Variants in B3GALT1 observed in about 807,000 individuals in gnomAD.
The protein encoded by B3GALT1 is beta-1,3-galactosyltransferase 1.
A neutral mutation model predicts 23.2 loss-of-function variants in B3GALT1; 10 were observed. That is an observed-to-expected ratio of 0.43 (90% CI 0.27 to 0.73). The LOEUF (loss-of-function observed/expected upper bound fraction) is 0.73, where lower values mean the gene tolerates loss of function less well. B3GALT1 is among the 30% of genes least tolerant of loss of function. B3GALT1 has a pLI of 0.21. For missense variants in B3GALT1, 299 were observed against 405.4 expected, an observed-to-expected ratio of 0.74 and a Z score of 2.25; for synonymous variants, 156 against 141.5, an observed-to-expected ratio of 1.10 and a Z score of -0.73.
intron 1 of B3GALT1, among the ~76,000 whole-genome samples, chr2:167,411,182 A>G (rs2617380): frequency 0.94 from 142,668 of 151,828 alleles, 67,388 homozygotes; most frequent in Non-Finnish European, 0.99. Context: ...ACCAGAGCAA[A>G]AATAGACAAA....
chr2:167,605,141 ATACT>A (rs1476893032), intron 2 of B3GALT1, among the ~76,000 whole-genome samples: 59 of 152,322 alleles, frequency 3.9e-4, no homozygotes, highest in African/African-American at 1.4e-3. Context: ...AGTGTGGGAC[ATACT>A]GTCCCTAAAG....
At chr2:167,520,530 A>G (rs949191952) in intron 2 of B3GALT1, among the ~76,000 whole-genome samples, 1 of 152,248 alleles carries the variant, frequency 6.6e-6, no homozygotes, top group Non-Finnish European at 1.5e-5. Flanking sequence ...CACTCATAAT[A>G]TGCAGCTGTG....
At chr2:167,593,672 GCCATTT>G (rs1684722780) in intron 2 of B3GALT1, among the ~76,000 whole-genome samples, 1 of 152,192 alleles carries the variant, frequency 6.6e-6, no homozygotes, top group African/African-American at 2.4e-5. Context: ...ACTGAACACA[GCCATTT>G]GAAATGAAAA....
At chr2:167,378,246 CT>C (rs1305374867) in intron 1 of B3GALT1, among the ~76,000 whole-genome samples, 1 of 151,946 alleles carries the variant, frequency 6.6e-6, no homozygotes. Context: ...CTCTAGTTGC[CT>C]TTAATATTTT....
At chr2:167,793,990 A>G (rs1264237132) in intron 3 of B3GALT1, among the ~76,000 whole-genome samples, 2 of 152,134 alleles carry the variant, frequency 1.3e-5, no homozygotes, top group African/African-American at 2.4e-5. Context: ...TATGTTTCAA[A>G]TGAGATTTTC....
chr2:167,503,090 A>G (rs1486675377), intron 2 of B3GALT1, among the ~76,000 whole-genome samples: 3 of 152,140 alleles, frequency 2.0e-5, no homozygotes, highest in African/African-American at 7.2e-5. Flanking sequence ...ATGAGATTTG[A>G]GCAGAGACAC....
chr2:167,844,880 G>C (rs1301043853), intron 4 of B3GALT1, among the ~76,000 whole-genome samples: 1 of 152,136 alleles, frequency 6.6e-6, no homozygotes, highest in Non-Finnish European at 1.5e-5. Context: ...CCTCTGCCTG[G>C]AAACAGACTG....
intron 1 of B3GALT1, among the ~76,000 whole-genome samples, chr2:167,486,643 G>A (rs1174701443): frequency 6.6e-6 from 1 of 150,570 alleles, no homozygotes; most frequent in Non-Finnish European, 1.5e-5. Context: ...ACTTGAAGCC[G>A]GGAGGCGAAG....
intron 1 of B3GALT1, among the ~76,000 whole-genome samples, chr2:167,425,092 G>A (rs1698603850): frequency 6.6e-6 from 1 of 152,202 alleles, no homozygotes; most frequent in African/African-American, 2.4e-5. Context: ...ATATGCAGCA[G>A]TAAATAATTT....
rs144710871 is a variant in B3GALT1 at position 167,433,095 on chromosome 2, C to T, written c.-510-57082C>T. Among the ~76,000 whole-genome samples the T allele has an allele frequency of 7.2e-5, 11 of 152,308 alleles. No homozygotes were observed. The East Asian group carries it at 2.1e-3, about 29-fold the overall frequency. ...TGCGCTTGAATAGTCATATTCATCCCTCCTTTTTCCCAACTCCTGGAAACC... is the reference window on the plus strand; with the variant it reads ...TGCGCTTGAATAGTCATATTCATCCTTCCTTTTTCCCAACTCCTGGAAACC... On this transcript the variant is annotated intron_variant, in intron 1 of 4. Transcript: ENST00000392690.
At chr2:167,535,070 G>C (rs1432492284) in intron 2 of B3GALT1, among the ~76,000 whole-genome samples, 1 of 152,156 alleles carries the variant, frequency 6.6e-6, no homozygotes, top group Non-Finnish European at 1.5e-5. Context: ...ATTTCACAAA[G>C]CCATGCTGTT....
chr2:167,645,248 T>C (rs992422720), intron 2 of B3GALT1, among the ~76,000 whole-genome samples: 1 of 152,136 alleles, frequency 6.6e-6, no homozygotes, highest in Non-Finnish European at 1.5e-5. Flanking sequence ...TTACAGCCCC[T>C]CCAGATCTTT....
At chr2:167,365,251 A>C (rs775239050) in intron 1 of B3GALT1, among the ~76,000 whole-genome samples, 7 of 152,176 alleles carry the variant, frequency 4.6e-5, no homozygotes, top group Non-Finnish European at 1.0e-4. Context: ...GTCTGAGAAC[A>C]GTCTCAGAGT....
chr2:167,505,028 T>C (rs1699899749), intron 2 of B3GALT1, among the ~76,000 whole-genome samples: 2 of 152,150 alleles, frequency 1.3e-5, no homozygotes, highest in South Asian at 2.1e-4. Flanking sequence ...TATAGAGAGA[T>C]CTACAAAATA....
intron 3 of B3GALT1, among the ~76,000 whole-genome samples, chr2:167,683,584 G>A (rs1686570738): frequency 6.6e-6 from 1 of 152,146 alleles, no homozygotes; most frequent in Non-Finnish European, 1.5e-5. Context: ...AGCTGGGCAT[G>A]GTGGTGGGTG....
At chr2:167,794,152 T>G (rs1380276308) in intron 3 of B3GALT1, among the ~76,000 whole-genome samples, 1 of 152,260 alleles carries the variant, frequency 6.6e-6, no homozygotes, top group African/African-American at 2.4e-5. Flanking sequence ...ACTCTGCTTC[T>G]AACTGCTTTG....
At chr2:167,556,212 G>A (rs1416477071) in intron 2 of B3GALT1, among the ~76,000 whole-genome samples, 1 of 152,010 alleles carries the variant, frequency 6.6e-6, no homozygotes, top group Non-Finnish European at 1.5e-5. Context: ...ATTAAATATT[G>A]TAATTATGGA....
chr2:167,451,447 T>C (rs1348995566), intron 1 of B3GALT1, among the ~76,000 whole-genome samples: 2 of 152,162 alleles, frequency 1.3e-5, no homozygotes, highest in African/African-American at 4.8e-5. Flanking sequence ...AGGTGAGCTG[T>C]AGTGATTGTT....
At chr2:167,666,797 T>C (rs568870580) in intron 3 of B3GALT1, among the ~76,000 whole-genome samples, 1 of 152,320 alleles carries the variant, frequency 6.6e-6, no homozygotes, top group African/African-American at 2.4e-5. Context: ...GCTTTCCATT[T>C]GCTTGGTAGA....
Sources: gnomAD v4.1 joint callset for allele counts (sites outside exome capture counted in the v4.1 genomes callset) on GRCh38, gnomAD v4.1.1 for gene constraint, MANE v1.5 for transcripts, NCBI Gene and HGNC (gene_info 2026-07-23, HGNC 2026-07-21) for gene names.